IMMP2L: variants seen among roughly 807,000 people sequenced by gnomAD.
IMMP2L encodes the protein inner mitochondrial membrane peptidase subunit 2.
IMMP2L carries 18 observed loss-of-function variants against 19.3 expected under a neutral mutation model. The observed-to-expected ratio is 0.93, with a 90% CI of 0.64 to 1.38. The LOEUF (loss-of-function observed/expected upper bound fraction) is 1.38. Ranked by LOEUF, IMMP2L falls within the 40% of genes most tolerant of loss-of-function variation. The pLI is 0.00. For missense variants in IMMP2L, 233 were observed against 218.2 expected, an observed-to-expected ratio of 1.07 and a Z score of -0.43; for synonymous variants, 76 against 73.0, an observed-to-expected ratio of 1.04 and a Z score of -0.21.
Position 111,423,191 on chromosome 7 carries a change from C to G in IMMP2L, c.239+64047G>C, listed in dbSNP as rs1369417074. Among the ~76,000 whole-genome samples, 5 of 151,756 alleles carry G rather than the reference C, an allele frequency of 3.3e-5. 1 individual carries two copies. The highest frequency in any genetic ancestry group is 7.3e-5 in the African/African-American group (3 of 41,108). On this transcript the variant is annotated intron_variant, in intron 3 of 5. Transcript: ENST00000405709. ...GGTCTAAAATTCTTTTTTGTTGTGT[C>G]TCTGCCAGGCTTTGGTATCAGGATG...
chr7:110,848,252 T>C (rs1342785921), intron 5 of IMMP2L, among the ~76,000 whole-genome samples: 2 of 152,126 alleles, frequency 1.3e-5, no homozygotes, highest in Non-Finnish European at 2.9e-5. Flanking sequence ...GCAAAAAGTC[T>C]GAACAGACAA....
rs370466996 is a variant in IMMP2L at position 111,213,650 on chromosome 7, G to A, written c.240-250085C>T. ...CAGACTCACCCAGACTCAAGAAATCGATGGAACCACTAGCTGTAGGGAGGA... is the reference window on the plus strand; with the variant it reads ...CAGACTCACCCAGACTCAAGAAATCAATGGAACCACTAGCTGTAGGGAGGA... On this transcript the variant is annotated intron_variant, in intron 3 of 5. Transcript: ENST00000405709. The surrounding 1 kb of genome is among the most constrained non-coding windows in gnomAD (Gnocchi z 4.8). 6.6e-5 allele frequency among the ~76,000 whole-genome samples: 10 copies of A among 152,256 alleles called. No individual in the cohort carries two copies. In the East Asian group the frequency reaches 9.7e-4, roughly 15 times the overall value.
intron 3 of IMMP2L, among the ~76,000 whole-genome samples, chr7:111,022,234 T>C (rs1387933465): frequency 6.6e-6 from 1 of 152,154 alleles, no homozygotes. Context: ...GGCTTAGCTA[T>C]AAAAATTCCT....
At chr7:111,488,395 C>T (rs1842825262) in intron 2 of IMMP2L, among the ~76,000 whole-genome samples, 1 of 152,120 alleles carries the variant, frequency 6.6e-6, no homozygotes, top group South Asian at 2.1e-4. Flanking sequence ...CCTTTGTGCC[C>T]TCATAGCTTA....
At chr7:111,211,708 G>A (rs966155713) in intron 3 of IMMP2L, among the ~76,000 whole-genome samples, 1 of 152,190 alleles carries the variant, frequency 6.6e-6, no homozygotes, top group Admixed American at 6.5e-5. Flanking sequence ...CAAAACTTCA[G>A]ATTAGAAGAC....
At chr7:111,453,293 CT>C (rs1176515360) in intron 3 of IMMP2L, among the ~76,000 whole-genome samples, 2 of 152,082 alleles carry the variant, frequency 1.3e-5, no homozygotes, top group Non-Finnish European at 1.5e-5. Context: ...CCTTGAATAC[CT>C]CTTGTATACA....
At chr7:111,129,684 G>C (rs1157258218) in intron 3 of IMMP2L, among the ~76,000 whole-genome samples, 1 of 152,078 alleles carries the variant, frequency 6.6e-6, no homozygotes, top group Non-Finnish European at 1.5e-5. Flanking sequence ...GGAAAAGACA[G>C]AACTGACTCC....
At chr7:111,310,113 T>G (rs1823344182) in intron 3 of IMMP2L, among the ~76,000 whole-genome samples, 1 of 151,840 alleles carries the variant, frequency 6.6e-6, no homozygotes, top group African/African-American at 2.4e-5. Flanking sequence ...TGTGTGCCTG[T>G]AATCCCAGCT....
chr7:111,548,902 A>G (rs1055331158), intron 1 of IMMP2L, among the ~76,000 whole-genome samples: 1 of 152,196 alleles, frequency 6.6e-6, no homozygotes, highest in Admixed American at 6.5e-5. Context: ...AACAGGAAAT[A>G]ATGTGTCTCT....
chr7:110,782,987 G>A (rs1799838039), intron 5 of IMMP2L, among the ~76,000 whole-genome samples: 1 of 151,888 alleles, frequency 6.6e-6, no homozygotes, highest in Non-Finnish European at 1.5e-5. Flanking sequence ...CTGAGGCAAT[G>A]GAAGAGGAAT....
At chr7:111,320,277 T>C (rs1430617471) in intron 3 of IMMP2L, among the ~76,000 whole-genome samples, 1 of 152,074 alleles carries the variant, frequency 6.6e-6, no homozygotes, top group Non-Finnish European at 1.5e-5. Flanking sequence ...CCACCATCCA[T>C]CCACCTTCTT....
At chr7:111,391,840 CTCTT>C (rs528239415) in intron 3 of IMMP2L, 17 of 702,218 alleles carry the variant, frequency 2.4e-5, no homozygotes, top group Non-Finnish European at 4.2e-5. Context: ...GACCATACCT[CTCTT>C]TCAGTTGCCT....
rs987642654 is a variant in IMMP2L at position 110,812,405 on chromosome 7, T to C, written c.408+74188A>G. On this transcript the variant is annotated intron_variant, in intron 5 of 5. Coordinates refer to ENST00000405709, the MANE Select transcript of IMMP2L (RefSeq NM_032549.4). ...CACAGGAGTTAGAAGGAGCCAGTGATAAAGGGGGAGAAAGTCCTATGGAAG... is the reference window on the plus strand; with the variant it reads ...CACAGGAGTTAGAAGGAGCCAGTGACAAAGGGGGAGAAAGTCCTATGGAAG... 2.0e-5 allele frequency among the ~76,000 whole-genome samples: 3 copies of C among 151,946 alleles called. 1 individual carries two copies. In the South Asian group the frequency reaches 6.2e-4, roughly 31 times the overall value.
chr7:111,463,570 C>T (rs992311378), intron 3 of IMMP2L, among the ~76,000 whole-genome samples: 2 of 152,152 alleles, frequency 1.3e-5, no homozygotes, highest in African/African-American at 2.4e-5. Flanking sequence ...GTAGCAACTA[C>T]ATTCAGCTAT....
At chr7:111,352,631 T>C (rs987204966) in intron 3 of IMMP2L, among the ~76,000 whole-genome samples, 1 of 152,232 alleles carries the variant, frequency 6.6e-6, no homozygotes, top group East Asian at 1.9e-4. Flanking sequence ...CTCAGTAATT[T>C]CTGCATATGC....
chr7:111,088,343 C>T (rs575050504), intron 3 of IMMP2L, among the ~76,000 whole-genome samples: 1 of 152,124 alleles, frequency 6.6e-6, no homozygotes, highest in African/African-American at 2.4e-5. Context: ...ATCTAGGAAA[C>T]CCTGTAGACA....
intron 3 of IMMP2L, among the ~76,000 whole-genome samples, chr7:111,320,789 CATCTGTGTGCTCT>C (rs929163530): frequency 2.6e-5 from 4 of 152,150 alleles, no homozygotes; most frequent in Admixed American, 2.0e-4. Flanking sequence ...CCAGGTGACA[CATCTGTGTGCTCT>C]GAAAGCACCC....
intron 3 of IMMP2L, among the ~76,000 whole-genome samples, chr7:111,361,577 A>C (rs1829265011): frequency 6.6e-6 from 1 of 152,112 alleles, no homozygotes; most frequent in African/African-American, 2.4e-5. Context: ...TGTTCTATCG[A>C]AACTCAACAA....
At chr7:110,722,503 A>G (rs1237313662) in intron 5 of IMMP2L, among the ~76,000 whole-genome samples, 1 of 152,118 alleles carries the variant, frequency 6.6e-6, no homozygotes, top group Admixed American at 6.6e-5. Context: ...ACACTAGCTA[A>G]TATTACTATG....
Sources: gnomAD v4.1 joint callset for allele counts (sites outside exome capture counted in the v4.1 genomes callset) on GRCh38, gnomAD v4.1.1 for gene constraint, Gnocchi (gnomAD v3.1) non-coding constraint, MANE v1.5 for transcripts, NCBI Gene and HGNC (gene_info 2026-07-23, HGNC 2026-07-21) for gene names.